The following GALNT13 variants were observed in gnomAD, a reference collection of about 807,000 sequenced individuals.
The protein encoded by GALNT13 is polypeptide N-acetylgalactosaminyltransferase 13, also known as UDP-GalNAc:polypeptide N-acetylgalactosaminyltransferase 13.
GALNT13 carries 28 observed loss-of-function variants against 64.2 expected under a neutral mutation model. The ratio of observed to expected loss-of-function variants is 0.44; its 90% CI spans 0.32 to 0.60. The LOEUF (loss-of-function observed/expected upper bound fraction) is 0.60, where lower values mean the gene tolerates loss of function less well. GALNT13 is among the 20% of genes least tolerant of loss of function. The probability of loss-of-function intolerance (pLI) is 0.05; values close to 1 mark genes in which losing one functional copy is unlikely to be tolerated. For synonymous variants in GALNT13, 214 were observed against 224.6 expected, an observed-to-expected ratio of 0.95 and a Z score of 0.42; for missense variants, 577 against 669.8, an observed-to-expected ratio of 0.86 and a Z score of 1.53.
intron 4 of GALNT13, among the ~76,000 whole-genome samples, chr2:154,164,939 T>C (rs375206351): frequency 6.6e-6 from 1 of 152,110 alleles, no homozygotes; most frequent in Non-Finnish European, 1.5e-5. Flanking sequence ...CATTCTAATA[T>C]CTAGCAAAGT....
At chr2:153,551,484 G>T in the GALNT13 span, among the ~76,000 whole-genome samples, 1 of 152,182 alleles carries the variant, frequency 6.6e-6, no homozygotes, top group East Asian at 1.9e-4. Flanking sequence ...GAAGGAGACA[G>T]GGTAGAAGAC....
chr2:154,020,914 C>T (rs991725563), intron 3 of GALNT13, among the ~76,000 whole-genome samples: 33 of 152,110 alleles, frequency 2.2e-4, no homozygotes, highest in African/African-American at 6.7e-4. Flanking sequence ...CAGCTTTCTA[C>T]ATATGGCTAG....
At chr2:153,313,504 A>G in the GALNT13 span, among the ~76,000 whole-genome samples, 1 of 151,748 alleles carries the variant, frequency 6.6e-6, no homozygotes, top group African/African-American at 2.4e-5. Context: ...GATGAGAACA[A>G]TGGAAATACA....
At chr2:153,816,440 C>A in the GALNT13 span, among the ~76,000 whole-genome samples, 2 of 152,174 alleles carry the variant, frequency 1.3e-5, no homozygotes, top group East Asian at 1.9e-4. Context: ...TGGGGAAGGG[C>A]AGTTCATGGA....
intron 3 of GALNT13, among the ~76,000 whole-genome samples, chr2:154,021,911 AG>A (rs1157156661): frequency 7.2e-5 from 11 of 151,994 alleles, no homozygotes; most frequent in Admixed American, 4.6e-4. Flanking sequence ...TTTAGCATGA[AG>A]GGTTGTTGAA....
intron 4 of GALNT13, among the ~76,000 whole-genome samples, chr2:154,148,194 T>C (rs1186044074): frequency 1.3e-5 from 2 of 152,096 alleles, no homozygotes; most frequent in South Asian, 2.1e-4. Flanking sequence ...TTTGTTCTTG[T>C]GATAGTTTAC....
the GALNT13 span, among the ~76,000 whole-genome samples, chr2:153,824,801 G>C: frequency 6.6e-6 from 1 of 152,050 alleles, no homozygotes; most frequent in East Asian, 1.9e-4. Flanking sequence ...CACGAGATCT[G>C]ATTGTTTAAA....
the GALNT13 span, among the ~76,000 whole-genome samples, chr2:153,221,486 T>A: frequency 6.6e-6 from 1 of 152,156 alleles, no homozygotes; most frequent in Admixed American, 6.5e-5. Context: ...ATAAAGATTA[T>A]CATGGATACA....
At chr2:153,953,936 A>G (rs1692385528) in intron 3 of GALNT13, among the ~76,000 whole-genome samples, 1 of 152,094 alleles carries the variant, frequency 6.6e-6, no homozygotes, top group Non-Finnish European at 1.5e-5. Flanking sequence ...CAGGGAGGCT[A>G]AGGTTTCTTC....
the GALNT13 span, among the ~76,000 whole-genome samples, chr2:153,148,224 A>C: frequency 6.6e-6 from 1 of 152,026 alleles, no homozygotes; most frequent in South Asian, 2.1e-4. Context: ...TGGGTGTTGA[A>C]TGCTTCTTTG....
chr2:154,097,905 G>T (rs1702152540), intron 3 of GALNT13, among the ~76,000 whole-genome samples: 1 of 151,854 alleles, frequency 6.6e-6, no homozygotes, highest in Non-Finnish European at 1.5e-5. Context: ...AAAATAGGAA[G>T]GTAACCTAAG....
intron 9 of GALNT13, among the ~76,000 whole-genome samples, chr2:154,350,760 C>T (rs571965947): frequency 6.6e-6 from 1 of 152,242 alleles, no homozygotes; most frequent in East Asian, 1.9e-4. Flanking sequence ...CAGTAGCCCT[C>T]ATATGCTCAT....
intron 12 of GALNT13, among the ~76,000 whole-genome samples, chr2:154,442,024 C>T (rs781461523): frequency 4.9e-4 from 74 of 151,808 alleles, no homozygotes; most frequent in African/African-American, 1.7e-3. Flanking sequence ...TTGATGTTGT[C>T]GAAAAACTGG....
the GALNT13 span, among the ~76,000 whole-genome samples, chr2:153,661,632 C>A: frequency 6.6e-6 from 1 of 152,126 alleles, no homozygotes; most frequent in Non-Finnish European, 1.5e-5. Flanking sequence ...TATATGGCCA[C>A]TTCTATAATG....
chr2:153,393,972 A>T, the GALNT13 span, among the ~76,000 whole-genome samples: 32 of 105,188 alleles, frequency 3.0e-4, no homozygotes, highest in African/African-American at 1.2e-3. Flanking sequence ...ACACACACAC[A>T]CACACACACA....
chr2:153,968,465 G>A (rs1327175397), intron 3 of GALNT13, among the ~76,000 whole-genome samples: 1 of 152,146 alleles, frequency 6.6e-6, no homozygotes, highest in African/African-American at 2.4e-5. Context: ...TACGGGTGTT[G>A]TAGGCAATGC....
intron 4 of GALNT13, among the ~76,000 whole-genome samples, chr2:154,169,035 G>C (rs983825494): frequency 2.0e-5 from 3 of 152,082 alleles, no homozygotes; most frequent in African/African-American, 7.2e-5. Context: ...ACAAGAGAGA[G>C]AGACAGAAAG....
At position 153,916,128 on chromosome 2, in the gene GALNT13, GTTCC is replaced by G. The variant is rs150452834; in HGVS notation, c.-105+15144_-105+15147del. 8.9e-3 allele frequency among the ~76,000 whole-genome samples: 1,181 copies of G among 132,150 alleles called. 10 individuals are homozygous for G. The highest frequency in any genetic ancestry group is 0.028 in the African/African-American group (1,000 of 35,852). The allele number at this position is 132,150 out of a possible 152,430, so 86.7% of individuals were successfully genotyped here. A position where few individuals can be genotyped will look rare whatever the true frequency, so the allele number is the denominator to read the frequency against. On this transcript the variant is annotated intron_variant, in intron 2 of 12. Transcript: ENST00000392825. ...CCTTCCTTCCTCCCTTCCTTCCTTC[GTTCC>G]TTCCTTCCTTCCTTCCTTCCTTTTT...
chr2:153,430,427 T>A, the GALNT13 span, among the ~76,000 whole-genome samples: 3 of 152,032 alleles, frequency 2.0e-5, no homozygotes, highest in African/African-American at 4.8e-5. Context: ...ATGTGACTTA[T>A]AAAGTTACAC....
Sources: gnomAD v4.1 joint callset for allele counts (sites outside exome capture counted in the v4.1 genomes callset) on GRCh38, gnomAD v4.1.1 for gene constraint, MANE v1.5 for transcripts, NCBI Gene and HGNC (gene_info 2026-07-23, HGNC 2026-07-21) for gene names.